CCDC91: variants seen among roughly 807,000 people sequenced by gnomAD.
CCDC91 encodes coiled-coil domain containing 91.
CCDC91 carries 48 observed loss-of-function variants against 63.2 expected under a neutral mutation model. The ratio of observed to expected loss-of-function variants is 0.76; its 90% confidence interval spans 0.60 to 0.97. The LOEUF (loss-of-function observed/expected upper bound fraction) is 0.97, where lower values mean the gene tolerates loss of function less well. Among genes scored for constraint, CCDC91 ranks in the 50% least tolerant of loss-of-function variants. The pLI, the probability that CCDC91 is intolerant of heterozygous loss-of-function variation, is 0.00. For missense variants in CCDC91, 500 were observed against 494.6 expected, an observed-to-expected ratio of 1.01 and a Z score of -0.10; for synonymous variants, 167 against 165.8, an observed-to-expected ratio of 1.01 and a Z score of -0.06.
chr12:28,209,220 T>C (rs1346165040), intron 1 of CCDC91, among the ~76,000 whole-genome samples: 3 of 152,208 alleles, frequency 2.0e-5, no homozygotes, highest in Non-Finnish European at 4.4e-5. Flanking sequence ...TATAAACAAA[T>C]CAATTCAATC....
chr12:28,493,457 A>G (rs889634598), intron 12 of CCDC91, among the ~76,000 whole-genome samples: 18 of 151,760 alleles, frequency 1.2e-4, no homozygotes, highest in African/African-American at 4.1e-4. Flanking sequence ...GAAAAGTAGA[A>G]CTTTGGTCAC....
At chr12:28,297,923 C>T (rs539077606) in intron 3 of CCDC91, among the ~76,000 whole-genome samples, 1 of 151,814 alleles carries the variant, frequency 6.6e-6, no homozygotes, top group African/African-American at 2.4e-5. Context: ...TATAAAATAA[C>T]ATTTTGTGTC....
In CCDC91 at chr12:28,367,643, G is replaced by T. The variant is rs145695754; in HGVS notation, c.654+5128G>T. On this transcript the variant is annotated intron_variant, in intron 7 of 12. Coordinates refer to ENST00000536442, the MANE Select transcript of CCDC91 (RefSeq NM_018318.5). ...ATACTGCATATTTCAGAAGCCAAAT[G>T]AACTGCAAATATGATAAAGACAAAA... Among the ~76,000 whole-genome samples, 6 of 152,238 alleles carry T rather than the reference G, an allele frequency of 3.9e-5. No homozygotes were observed. The East Asian group carries it at 1.2e-3, about 29-fold the overall frequency.
intron 11 of CCDC91, among the ~76,000 whole-genome samples, chr12:28,478,286 G>A (rs143639482): frequency 0.022 from 3,379 of 151,982 alleles, 47 homozygotes; most frequent in Non-Finnish European, 0.033. Flanking sequence ...GGAACAGAAC[G>A]GAGCCCTCAG....
Position 28,386,274 on chromosome 12 carries a change from A to G in CCDC91, c.655-5030A>G, listed in dbSNP as rs114006594. The stretch of plus-strand genomic sequence containing the variant: ...TTACTTACCAAGTAGCTATTACATC[A>G]GCTGGTTATGTACAAGGCAGTCTAA... On this transcript the variant is annotated intron_variant, in intron 7 of 12. Transcript: ENST00000536442. Among the ~76,000 whole-genome samples, 1,398 of 152,286 alleles carry G rather than the reference A, an allele frequency of 9.2e-3. 26 individuals carry two copies. The highest frequency in any genetic ancestry group is 0.032 in the African/African-American group (1,329 of 41,566).
chr12:28,375,609 AT>A (rs903239393), intron 7 of CCDC91, among the ~76,000 whole-genome samples: 3 of 151,980 alleles, frequency 2.0e-5, no homozygotes, highest in South Asian at 2.1e-4. Flanking sequence ...TGTTTACTTA[AT>A]TTTTTTCTCT....
chr12:28,338,248 C>A lies in CCDC91; in HGVS notation c.577-24190C>A, dbSNP rs990956492. ...ACTATTAGCAAGTACAGGTATTGGC[C>A]CTTATGGATCTTTTTTTTTTTTCTT... On this transcript the variant is annotated intron_variant, in intron 6 of 12. Coordinates refer to ENST00000536442, the MANE Select transcript of CCDC91 (RefSeq NM_018318.5). 6.5e-5 allele frequency among the ~76,000 whole-genome samples: 7 copies of A among 107,296 alleles called. No individual in the cohort carries two copies. The Admixed American group carries it at 7.9e-4, about 12-fold the overall frequency. The allele number at this position is 107,296 out of a possible 152,430, so 70.4% of individuals were successfully genotyped here.
chr12:28,290,130 G>T (rs555897050), intron 3 of CCDC91, among the ~76,000 whole-genome samples: 1 of 152,052 alleles, frequency 6.6e-6, no homozygotes, highest in Non-Finnish European at 1.5e-5. Context: ...CACTATTACT[G>T]TGTGGGAGTC....
At chr12:28,402,311 A>G (rs73265410) in intron 8 of CCDC91, among the ~76,000 whole-genome samples, 2 of 152,104 alleles carry the variant, frequency 1.3e-5, no homozygotes, top group South Asian at 2.1e-4. Flanking sequence ...GATTTCTTTC[A>G]TCAGAGTTTT....
intron 11 of CCDC91, among the ~76,000 whole-genome samples, chr12:28,458,237 C>T (rs1701933372): frequency 6.6e-6 from 1 of 151,912 alleles, no homozygotes; most frequent in Non-Finnish European, 1.5e-5. Context: ...TGATAATAAT[C>T]TAGATGATAA....
intron 3 of CCDC91, among the ~76,000 whole-genome samples, chr12:28,287,958 G>A (rs1949009499): frequency 6.6e-6 from 1 of 152,026 alleles, no homozygotes; most frequent in South Asian, 2.1e-4. Flanking sequence ...TATTCTTTTT[G>A]TGGCAATTGT....
intron 2 of CCDC91, 106 bp downstream of exon 2, chr12:28,257,351 TG>T: frequency 5.7e-6 from 4 of 701,482 alleles, no homozygotes; most frequent in Non-Finnish European, 9.8e-6. Flanking sequence ...GATATTTCCT[TG>T]ATCATTTTAA....
chr12:28,473,288 T>C (rs1178395667), intron 11 of CCDC91, among the ~76,000 whole-genome samples: 2 of 152,142 alleles, frequency 1.3e-5, no homozygotes, highest in African/African-American at 4.8e-5. Flanking sequence ...AGTCAGGATA[T>C]TGAGCTTCAG....
chr12:28,358,657 G>T (rs1943672751), intron 6 of CCDC91, among the ~76,000 whole-genome samples: 1 of 152,170 alleles, frequency 6.6e-6, no homozygotes, highest in Non-Finnish European at 1.5e-5. Context: ...ACACAGGAAT[G>T]AACAATAAAT....
intron 4 of CCDC91, among the ~76,000 whole-genome samples, chr12:28,306,493 TGCATTGGTA>T (rs1201845820): frequency 5.3e-5 from 8 of 152,124 alleles, no homozygotes; most frequent in Admixed American, 1.3e-4. Context: ...AGTCTTTTAG[TGCATTGGTA>T]GCAAAATAAT....
intron 3 of CCDC91, among the ~76,000 whole-genome samples, chr12:28,280,786 C>A (rs1020678877): frequency 5.3e-5 from 8 of 149,546 alleles, no homozygotes; most frequent in Non-Finnish European, 7.4e-5. Context: ...CAAGACCAAC[C>A]GGTGCAACAT....
Position 28,333,890 on chromosome 12 carries a change from C to T in CCDC91, c.576+26141C>T, listed in dbSNP as rs533527908. Among the ~76,000 whole-genome samples the T allele has an allele frequency of 2.6e-5, 4 of 152,284 alleles. No individual in the cohort carries two copies. In the South Asian group the frequency reaches 8.3e-4, roughly 32 times the overall value. On this transcript the variant is annotated intron_variant, in intron 6 of 12. Coordinates refer to ENST00000536442, the MANE Select transcript of CCDC91 (RefSeq NM_018318.5). ...ATGTTTTTCTATTTTTTTGTAGCTA[C>T]ATCTCTGTTGAAGATCTTTTTGTTA...
intron 11 of CCDC91, among the ~76,000 whole-genome samples, chr12:28,476,152 A>G (rs1951075973): frequency 6.6e-6 from 1 of 151,742 alleles, no homozygotes; most frequent in Non-Finnish European, 1.5e-5. Context: ...ACTTTAAATG[A>G]AACTGTTCTA....
chr12:28,191,022 T>C (rs142500959), intron 1 of CCDC91, among the ~76,000 whole-genome samples: 136 of 152,380 alleles, frequency 8.9e-4, no homozygotes, highest in African/African-American at 3.2e-3. Flanking sequence ...CTGGTTTATG[T>C]ATCCCCTTTT....
Sources: gnomAD v4.1 joint callset for allele counts (sites outside exome capture counted in the v4.1 genomes callset) on GRCh38, gnomAD v4.1.1 for gene constraint, MANE v1.5 for transcripts, NCBI Gene and HGNC (gene_info 2026-07-23, HGNC 2026-07-21) for gene names.